PHEX: variants seen among roughly 807,000 people sequenced by gnomAD.
PHEX encodes the protein phosphate-regulating neutral endopeptidase PHEX.
PHEX carries 16 observed loss-of-function variants against 68.0 expected under a neutral mutation model. The observed-to-expected ratio is 0.24, with a 90% CI of 0.16 to 0.36. The LOEUF (loss-of-function observed/expected upper bound fraction) is 0.36. PHEX is among the 10% of genes least tolerant of loss of function. The pLI is 1.00. For synonymous variants in PHEX, 208 were observed against 205.1 expected (o/e 1.01, Z -0.12); for missense variants, 480 against 575.5 (o/e 0.83, Z 1.70).
In PHEX at chrX:22,101,287, T is replaced by A. The variant is rs113514361; in HGVS notation, c.1079+2136T>A. Among the ~76,000 whole-genome samples, 848 of 112,742 alleles carry A rather than the reference T, an allele frequency of 7.5e-3. 9 individuals carry two copies. Among genetic ancestry groups the A allele is most frequent in the African/African-American group, 0.025 (790 of 31,093 alleles). On this transcript the variant is annotated intron_variant, in intron 9 of 21. Transcript: ENST00000379374. ...TGTGTTCTGCGTATTCTTGTGAGAT[T>A]TCAATACAACGTACACATCATGAGA...
chrX:22,054,939 C>T (rs989795031), intron 3 of PHEX, among the ~76,000 whole-genome samples: 3 of 108,487 alleles, frequency 2.8e-5, no homozygotes, highest in African/African-American at 6.7e-5. Flanking sequence ...TTTGGGAAGC[C>T]GAGGCGGTTG....
At chrX:22,114,730 T>G in intron 11 of PHEX, 144 bp downstream of exon 11, 1 of 538,162 alleles carries the variant, frequency 1.9e-6, no homozygotes, top group South Asian at 2.5e-5. Context: ...CTAAGTGAAA[T>G]AGGAAGAAAG....
At position 22,077,519 on chromosome X, in the gene PHEX, A is replaced by G. The variant is rs761971488; in HGVS notation, c.480A>G (p.Leu160=). ...KADAKPLLHI[L]RHSPFRWPVL... ...ATGCCAAGCCACTGCTACACATCCT[A>G]CGGCATTCACCTTTCCGCTGGCCCG... The change falls in exon 5 of 22, where the codon CTA becomes CTG. Residue 160 remains leucine, a synonymous_variant. Transcript: ENST00000379374. 26 of 1,210,122 alleles carry G rather than the reference A, an allele frequency of 2.1e-5. No individual in the cohort carries two copies. The South Asian group carries it at 2.8e-4, about 13-fold the overall frequency.
chrX:22,063,249 A>C (rs1435610374), intron 3 of PHEX, among the ~76,000 whole-genome samples: 1 of 112,287 alleles, frequency 8.9e-6, no homozygotes, highest in Non-Finnish European at 1.9e-5. Context: ...TGCCCAACTA[A>C]TTTATTAATT....
At chrX:22,235,331 G>T (rs1326744780) in intron 20 of PHEX, among the ~76,000 whole-genome samples, 2 of 112,234 alleles carry the variant, frequency 1.8e-5, no homozygotes, top group African/African-American at 6.5e-5. Context: ...ATACTTTTAA[G>T]TGCTTTTCAG....
intron 11 of PHEX, among the ~76,000 whole-genome samples, chrX:22,128,621 C>T (rs770818863): frequency 1.8e-5 from 2 of 111,370 alleles, no homozygotes; most frequent in Non-Finnish European, 3.8e-5. Flanking sequence ...TTGGAGAGTG[C>T]TTATTTTTTT....
At chrX:22,238,440 G>A (rs377228787) in intron 20 of PHEX, among the ~76,000 whole-genome samples, 1 of 111,712 alleles carries the variant, frequency 9.0e-6, no homozygotes, top group Non-Finnish European at 1.9e-5. Context: ...TTCGCAACTG[G>A]CAGACCAGGA....
At chrX:22,064,973 A>G (rs1928530229) in intron 3 of PHEX, among the ~76,000 whole-genome samples, 1 of 112,539 alleles carries the variant, frequency 8.9e-6, no homozygotes, top group Non-Finnish European at 1.9e-5. Context: ...AATAGCATCT[A>G]TGTGAATACT....
intron 12 of PHEX, among the ~76,000 whole-genome samples, chrX:22,134,566 C>T (rs1169007193): frequency 8.9e-6 from 1 of 112,593 alleles, no homozygotes; most frequent in Non-Finnish European, 1.9e-5. Context: ...GCACTCCAGC[C>T]TGGGTGACAG....
intron 1 of PHEX, among the ~76,000 whole-genome samples, chrX:22,034,291 G>A (rs1926918782): frequency 8.9e-6 from 1 of 111,883 alleles, no homozygotes; most frequent in African/African-American, 3.2e-5. Context: ...CAACGTGACT[G>A]CAAGGTTAGG....
At chrX:22,095,105 G>C (rs1158325710) in intron 7 of PHEX, among the ~76,000 whole-genome samples, 1 of 111,591 alleles carries the variant, frequency 9.0e-6, no homozygotes, top group Non-Finnish European at 1.9e-5. Flanking sequence ...GTATGGAGTA[G>C]GGATGAAGGA....
chrX:22,063,524 G>C (rs555236402), intron 3 of PHEX, among the ~76,000 whole-genome samples: 1 of 112,063 alleles, frequency 8.9e-6, no homozygotes, highest in African/African-American at 3.2e-5. Flanking sequence ...ATGCGTGGGA[G>C]GTGCTGGGTG....
intron 1 of PHEX, among the ~76,000 whole-genome samples, chrX:22,034,394 T>G (rs1926922851): frequency 8.9e-6 from 1 of 112,427 alleles, no homozygotes; most frequent in Admixed American, 9.5e-5. Context: ...TGCACGAAAC[T>G]TTTACAAAAC....
rs182057094 is a variant in PHEX, at chrX:22,044,148, G to A, written c.188-2902G>A. On this transcript the variant is annotated intron_variant, in intron 2 of 21. Coordinates refer to ENST00000379374, the MANE Select transcript of PHEX (RefSeq NM_000444.6). The stretch of plus-strand genomic sequence containing the variant: ...TCTAGGTACCTGCAAGAATACTGGC[G>A]AGATGGAGAGGATACATTTGAGGGT... Among the ~76,000 whole-genome samples, 349 of 110,672 alleles carry A rather than the reference G, an allele frequency of 3.2e-3. 2 individuals carry two copies. The highest frequency in any genetic ancestry group is 5.3e-3 in the Non-Finnish European group (282 of 52,926).
At chrX:22,173,264 A>G (rs1040621972) in intron 13 of PHEX, among the ~76,000 whole-genome samples, 3 of 111,916 alleles carry the variant, frequency 2.7e-5, no homozygotes, top group African/African-American at 6.5e-5. Flanking sequence ...GTGCCCCCCA[A>G]CCTTCCAGCC....
At chrX:22,155,696 G>A (rs919089940) in intron 12 of PHEX, among the ~76,000 whole-genome samples, 2 of 111,910 alleles carry the variant, frequency 1.8e-5, no homozygotes, top group Non-Finnish European at 3.8e-5. Flanking sequence ...AACAAAATAT[G>A]AATATTACAG....
At chrX:22,136,131 C>T (rs1932220100) in intron 12 of PHEX, among the ~76,000 whole-genome samples, 1 of 107,385 alleles carries the variant, frequency 9.3e-6, no homozygotes, top group South Asian at 4.2e-4. Context: ...AGAACACTAG[C>T]GGCGTTGAAA....
intron 20 of PHEX, among the ~76,000 whole-genome samples, chrX:22,240,617 T>C (rs766036255): frequency 2.6e-4 from 27 of 103,170 alleles, no homozygotes; most frequent in African/African-American, 9.5e-4. Context: ...TAGTCTCTGA[T>C]AAAACAGACT....
intron 2 of PHEX, among the ~76,000 whole-genome samples, chrX:22,041,711 G>T (rs1426093800): frequency 3.6e-5 from 4 of 110,586 alleles, no homozygotes; most frequent in African/African-American, 1.3e-4. Context: ...TTTGGCTGTG[G>T]TGGGGTTCTT....
Sources: gnomAD v4.1 joint callset for allele counts (sites outside exome capture counted in the v4.1 genomes callset) on GRCh38, gnomAD v4.1.1 for gene constraint, MANE v1.5 for transcripts, NCBI Gene and HGNC (gene_info 2026-07-23, HGNC 2026-07-21) for gene names.